Variants in SAMD5 observed in about 807,000 individuals in gnomAD.
The protein encoded by SAMD5 is sterile alpha motif domain containing 5.
SAMD5 carries 13 observed loss-of-function variants against 11.3 expected under a neutral mutation model. That is an observed-to-expected ratio of 1.15 (90% CI 0.75 to 1.83). The LOEUF is 1.83. Ranked by LOEUF, SAMD5 falls within the 40% of genes most tolerant of loss-of-function variation. The pLI, the probability that SAMD5 is intolerant of heterozygous loss-of-function variation, is 0.00. For missense variants in SAMD5, 255 were observed against 239.1 expected, an observed-to-expected ratio of 1.07 and a Z score of -0.44; for synonymous variants, 129 against 111.3, an observed-to-expected ratio of 1.16 and a Z score of -1.00.
the SAMD5 span, among the ~76,000 whole-genome samples, chr6:147,840,863 G>A: frequency 6.6e-6 from 1 of 152,180 alleles, no homozygotes; most frequent in Admixed American, 6.5e-5. Flanking sequence ...GAGATGAACA[G>A]AAGCAGACAC....
the SAMD5 span, among the ~76,000 whole-genome samples, chr6:147,819,452 A>T: frequency 6.6e-6 from 1 of 152,256 alleles, no homozygotes; most frequent in Non-Finnish European, 1.5e-5. Context: ...ATAAAAGTTA[A>T]AAAACACAAC....
At chr6:147,583,897 C>G (rs966851996) in intron 1 of SAMD5, among the ~76,000 whole-genome samples, 1 of 151,910 alleles carries the variant, frequency 6.6e-6, no homozygotes, top group African/African-American at 2.4e-5. Flanking sequence ...AGTCAATCCT[C>G]TTTGACAAAT....
At chr6:147,685,596 A>G (rs929282780) in intron 1 of SAMD5, among the ~76,000 whole-genome samples, 1 of 152,178 alleles carries the variant, frequency 6.6e-6, no homozygotes, top group Non-Finnish European at 1.5e-5. Flanking sequence ...TTCTGGCTGC[A>G]TATCTGGAGT....
chr6:147,888,005 TG>T, the SAMD5 span, among the ~76,000 whole-genome samples: 1 of 152,218 alleles, frequency 6.6e-6, no homozygotes, highest in African/African-American at 2.4e-5. Context: ...TATATTGGAT[TG>T]TTTTTATTAC....
chr6:147,509,301 T>C lies in SAMD5; in HGVS notation c.373T>C (p.Tyr125His), dbSNP rs768083918. 2 of 1,575,738 alleles carry C rather than the reference T, an allele frequency of 1.3e-6. No individual in the cohort carries two copies. The highest frequency in any genetic ancestry group is 1.2e-5 in the South Asian group (1 of 86,238). The change falls in exon 1 of 2, where the codon TAC (tyrosine) becomes CAC (histidine). Residue 125 changes from tyrosine (Y) to histidine (H), a missense_variant. Transcript: ENST00000367474. ...CCCCCGCAGCAGGGAGCTGGTGAGC[T>C]ACCCCAAACTGAAGCTGAAGATCAT... ...TAPRSRELVS[Y>H]PKLKLKIMIR... is the part of the protein sequence containing the mutation.
chr6:147,928,025 C>T, the SAMD5 span, among the ~76,000 whole-genome samples: 2 of 152,090 alleles, frequency 1.3e-5, no homozygotes, highest in Non-Finnish European at 2.9e-5. Context: ...CCTACTTGAT[C>T]GTGGTGGATA....
intron 1 of SAMD5, among the ~76,000 whole-genome samples, chr6:147,631,623 G>T (rs1790153775): frequency 6.6e-6 from 1 of 152,170 alleles, no homozygotes; most frequent in Non-Finnish European, 1.5e-5. Context: ...TGACAGAAGG[G>T]AAGAAATGAC....
chr6:147,757,096 G>A, the SAMD5 span, among the ~76,000 whole-genome samples: 13 of 152,154 alleles, frequency 8.5e-5, no homozygotes, highest in South Asian at 2.1e-4. Context: ...GCTGCTGCTC[G>A]TTGAAACATG....
At chr6:147,828,561 C>CGTGT in the SAMD5 span, among the ~76,000 whole-genome samples, 27 of 152,282 alleles carry the variant, frequency 1.8e-4, 1 homozygote, top group African/African-American at 5.8e-4. Flanking sequence ...ACTGGTTTAA[C>CGTGT]CTCTGAGCCT....
chr6:147,896,701 T>TAAA, the SAMD5 span, among the ~76,000 whole-genome samples: 3 of 115,674 alleles, frequency 2.6e-5, no homozygotes, highest in Admixed American at 9.0e-5. Flanking sequence ...GGAGTTTTTT[T>TAAA]AAAAAAATTC....
At chr6:147,903,478 A>G in the SAMD5 span, among the ~76,000 whole-genome samples, 1 of 152,220 alleles carries the variant, frequency 6.6e-6, no homozygotes, top group Non-Finnish European at 1.5e-5. Context: ...TGCATGGCCA[A>G]TGGCATCGTC....
intron 1 of SAMD5, among the ~76,000 whole-genome samples, chr6:147,527,949 G>C (rs58597228): frequency 0.028 from 4,274 of 152,164 alleles, 172 homozygotes; most frequent in African/African-American, 0.096. Flanking sequence ...GCAGGAGCAG[G>C]CATCTTACAT....
rs552737171 is a variant in SAMD5 at position 147,521,419 on chromosome 6, A to C, written c.459+12032A>C. Among the ~76,000 whole-genome samples the C allele has an allele frequency of 1.1e-4, 16 of 152,196 alleles. No individual in the cohort carries two copies. The South Asian group carries it at 3.3e-3, about 32-fold the overall frequency. ...ATGTAACTTACCACATAATTTTATG[A>C]GTTTTTTAGATGTCCAGAAGTGTAA... On this transcript the variant is annotated intron_variant, in intron 1 of 1. Coordinates refer to ENST00000367474, the MANE Select transcript of SAMD5 (RefSeq NM_001030060.3).
At chr6:147,547,853 T>C (rs990938938) in intron 1 of SAMD5, among the ~76,000 whole-genome samples, 7 of 152,212 alleles carry the variant, frequency 4.6e-5, no homozygotes, top group African/African-American at 1.7e-4. Flanking sequence ...TCATGGAACC[T>C]GTAGTTTTGC....
intron 1 of SAMD5, among the ~76,000 whole-genome samples, chr6:147,659,840 C>T (rs1523964): frequency 0.089 from 13,526 of 152,156 alleles, 898 homozygotes; most frequent in East Asian, 0.26. Context: ...TAGCTGGAAA[C>T]AGGACTGGGA....
the SAMD5 span, among the ~76,000 whole-genome samples, chr6:147,913,246 G>A: frequency 6.6e-6 from 1 of 152,138 alleles, no homozygotes; most frequent in Non-Finnish European, 1.5e-5. Context: ...GGTAATTTGG[G>A]AACATCATAT....
At chr6:147,847,276 G>A in the SAMD5 span, among the ~76,000 whole-genome samples, 1 of 152,174 alleles carries the variant, frequency 6.6e-6, no homozygotes, top group African/African-American at 2.4e-5. Context: ...TAATTCAAGT[G>A]TTCTCATTTA....
chr6:147,931,498 G>A, the SAMD5 span, among the ~76,000 whole-genome samples: 2 of 152,072 alleles, frequency 1.3e-5, no homozygotes, highest in South Asian at 4.1e-4. Context: ...TGTCCTTAAG[G>A]GTAATTGTCT....
the SAMD5 span, among the ~76,000 whole-genome samples, chr6:147,824,802 TG>T: frequency 6.6e-6 from 1 of 152,368 alleles, no homozygotes; most frequent in East Asian, 1.9e-4. Context: ...AAATTACTAA[TG>T]TGCTTCATTC....
Sources: allele counts gnomAD v4.1 joint callset (sites outside exome capture counted in the v4.1 genomes callset), GRCh38; gene constraint gnomAD v4.1.1; transcripts MANE v1.5; gene names NCBI Gene and HGNC (gene_info 2026-07-23, HGNC 2026-07-21).